Variants in LHFPL3 observed in about 807,000 individuals in gnomAD.
The protein encoded by LHFPL3 is LHFPL tetraspan subfamily member 3 protein.
In LHFPL3, 5 loss-of-function variants were observed where a neutral mutation model predicts 19.3. That is an observed-to-expected ratio of 0.26 (90% CI 0.14 to 0.54). The LOEUF (loss-of-function observed/expected upper bound fraction) is 0.54, where lower values mean the gene tolerates loss of function less well. Ranked by LOEUF, LHFPL3 falls within the 20% of genes least tolerant of loss-of-function variation. The probability of loss-of-function intolerance (pLI) is 0.94; values close to 1 mark genes in which losing one functional copy is unlikely to be tolerated. For synonymous variants in LHFPL3, 133 were observed against 126.2 expected (o/e 1.05, Z -0.36); for missense variants, 249 against 307.4 (o/e 0.81, Z 1.42).
At chr7:104,481,845 C>T (rs1181174071) in intron 1 of LHFPL3, among the ~76,000 whole-genome samples, 1 of 152,130 alleles carries the variant, frequency 6.6e-6, no homozygotes, top group Non-Finnish European at 1.5e-5. Flanking sequence ...AGGACATAGG[C>T]TCAAGAAGTA....
chr7:104,610,354 C>T (rs894928179), intron 1 of LHFPL3, among the ~76,000 whole-genome samples: 1 of 152,042 alleles, frequency 6.6e-6, no homozygotes, highest in Non-Finnish European at 1.5e-5. Flanking sequence ...TCACAACTCA[C>T]TCCTATGAGG....
chr7:104,369,380 A>G (rs150118355), intron 1 of LHFPL3, among the ~76,000 whole-genome samples: 156 of 152,348 alleles, frequency 1.0e-3, no homozygotes, highest in African/African-American at 3.5e-3. Context: ...AGCACCGTAC[A>G]TGTTGTTGAA....
chr7:104,778,677 T>C (rs1794672818), intron 2 of LHFPL3, among the ~76,000 whole-genome samples: 1 of 152,186 alleles, frequency 6.6e-6, no homozygotes, highest in Non-Finnish European at 1.5e-5. Flanking sequence ...CATCTACCAC[T>C]TCTCCGCCCG....
chr7:104,511,099 A>G (rs985702591), intron 1 of LHFPL3, among the ~76,000 whole-genome samples: 2 of 152,204 alleles, frequency 1.3e-5, no homozygotes. Flanking sequence ...TCTAGAATAT[A>G]TAAAGAACTC....
chr7:104,681,922 C>T (rs1045627420), intron 1 of LHFPL3, among the ~76,000 whole-genome samples: 3 of 152,156 alleles, frequency 2.0e-5, no homozygotes, highest in Non-Finnish European at 2.9e-5. Context: ...ATATCTCAAG[C>T]CAGATTCTGC....
chr7:104,646,002 G>C (rs756332131), intron 1 of LHFPL3, among the ~76,000 whole-genome samples: 5 of 152,006 alleles, frequency 3.3e-5, no homozygotes, highest in Non-Finnish European at 7.4e-5. Flanking sequence ...TCCTGGATAG[G>C]CTCCCCCATA....
At chr7:104,641,910 T>A (rs1791843404) in intron 1 of LHFPL3, among the ~76,000 whole-genome samples, 1 of 152,218 alleles carries the variant, frequency 6.6e-6, no homozygotes, top group South Asian at 2.1e-4. Context: ...AGGTATCTGT[T>A]ATCTATACCT....
At chr7:104,516,151 G>A (rs978060927) in intron 1 of LHFPL3, among the ~76,000 whole-genome samples, 2 of 152,050 alleles carry the variant, frequency 1.3e-5, no homozygotes, top group African/African-American at 4.8e-5. Flanking sequence ...TTACAATCAT[G>A]GCAGAAGGGG....
intron 1 of LHFPL3, among the ~76,000 whole-genome samples, chr7:104,550,187 C>T (rs992331857): frequency 6.6e-6 from 1 of 152,146 alleles, no homozygotes; most frequent in Non-Finnish European, 1.5e-5. Flanking sequence ...TGCTCACCCA[C>T]ATTAGGAATT....
At chr7:104,409,552 G>C (rs1209028869) in intron 1 of LHFPL3, among the ~76,000 whole-genome samples, 2 of 152,058 alleles carry the variant, frequency 1.3e-5, no homozygotes, top group Non-Finnish European at 2.9e-5. Flanking sequence ...GGAGGTCAAG[G>C]CTGCGGTGAG....
intron 1 of LHFPL3, among the ~76,000 whole-genome samples, chr7:104,603,504 A>G (rs1327903330): frequency 3.3e-5 from 5 of 152,170 alleles, no homozygotes; most frequent in Non-Finnish European, 7.3e-5. Flanking sequence ...CAGTAGCCCC[A>G]AAAGTCTTAA....
chr7:104,436,892 A>G (rs1259393235), intron 1 of LHFPL3, among the ~76,000 whole-genome samples: 2 of 152,240 alleles, frequency 1.3e-5, no homozygotes, highest in African/African-American at 2.4e-5. Context: ...AGATTTTTAA[A>G]CAGCTTTTAA....
intron 1 of LHFPL3, among the ~76,000 whole-genome samples, chr7:104,457,069 A>G (rs1244674242): frequency 6.6e-6 from 1 of 152,148 alleles, no homozygotes. Context: ...CAGTGGCTGT[A>G]TATTTTAGCT....
At chr7:104,513,847 G>A (rs1793867997) in intron 1 of LHFPL3, among the ~76,000 whole-genome samples, 2 of 152,172 alleles carry the variant, frequency 1.3e-5, no homozygotes, top group Non-Finnish European at 2.9e-5. Flanking sequence ...GTACAGCCAA[G>A]GTTGAGAACC....
At chr7:104,879,101 A>C (rs1562823634) in intron 2 of LHFPL3, among the ~76,000 whole-genome samples, 1 of 152,150 alleles carries the variant, frequency 6.6e-6, no homozygotes, top group Non-Finnish European at 1.5e-5. Flanking sequence ...TTAAGGAAAG[A>C]AGCCATCTCT....
At chr7:104,580,461 A>G (rs1429054867) in intron 1 of LHFPL3, among the ~76,000 whole-genome samples, 1 of 152,146 alleles carries the variant, frequency 6.6e-6, no homozygotes, top group Admixed American at 6.6e-5. Flanking sequence ...CTATCCAGTC[A>G]TCAAGCCATC....
At chr7:104,521,792 AC>A (rs1239316964) in intron 1 of LHFPL3, among the ~76,000 whole-genome samples, 1 of 152,234 alleles carries the variant, frequency 6.6e-6, no homozygotes, top group Non-Finnish European at 1.5e-5. Context: ...AAAAATGCTC[AC>A]CATCACTGGC....
At chr7:104,804,427 AC>A (rs1378661135) in intron 2 of LHFPL3, among the ~76,000 whole-genome samples, 1 of 151,994 alleles carries the variant, frequency 6.6e-6, no homozygotes, top group African/African-American at 2.4e-5. Flanking sequence ...ACTCTAGATG[AC>A]CCCCAGTGAT....
intron 2 of LHFPL3, among the ~76,000 whole-genome samples, chr7:104,836,075 G>A (rs931147314): frequency 3.3e-4 from 49 of 150,678 alleles, no homozygotes; most frequent in Non-Finnish European, 2.9e-5. Flanking sequence ...GAAGGCCTCC[G>A]AGGATCTGAT....
Sources: gnomAD v4.1 joint callset for allele counts (sites outside exome capture counted in the v4.1 genomes callset) on GRCh38, gnomAD v4.1.1 for gene constraint, MANE v1.5 for transcripts, NCBI Gene and HGNC (gene_info 2026-07-23, HGNC 2026-07-21) for gene names.